Variants in CTNNA3 observed in about 807,000 individuals in gnomAD.
The protein encoded by CTNNA3 is catenin alpha 3.
CTNNA3 carries 76 observed loss-of-function variants against 95.7 expected under a neutral mutation model. The observed-to-expected ratio is 0.79, with a 90% CI of 0.66 to 0.96. The LOEUF (loss-of-function observed/expected upper bound fraction) is 0.96. CTNNA3 is among the 40% of genes least tolerant of loss of function. CTNNA3 has a pLI of 0.00. For synonymous variants in CTNNA3, 431 were observed against 374.4 expected, an observed-to-expected ratio of 1.15 and a Z score of -1.74; for missense variants, 1,191 against 1,089.8, an observed-to-expected ratio of 1.09 and a Z score of -1.31.
intron 7 of CTNNA3, among the ~76,000 whole-genome samples, chr10:67,004,473 C>T (rs1851862068): frequency 6.7e-6 from 1 of 148,662 alleles, no homozygotes; most frequent in African/African-American, 2.5e-5. Context: ...TCTCTGTTAG[C>T]TTTTTCTTCC....
At chr10:67,505,050 AT>A (rs1289930389) in intron 5 of CTNNA3, among the ~76,000 whole-genome samples, 5 of 152,150 alleles carry the variant, frequency 3.3e-5, no homozygotes. Flanking sequence ...TTCCTGTCTG[AT>A]TTTTTTCTTA....
At chr10:66,506,229 A>G (rs1013547725) in intron 11 of CTNNA3, among the ~76,000 whole-genome samples, 1 of 152,186 alleles carries the variant, frequency 6.6e-6, no homozygotes, top group Non-Finnish European at 1.5e-5. Context: ...ACCTCCCATT[A>G]GGCACTGCAT....
At chr10:67,688,658 T>A (rs1002570837) in intron 1 of CTNNA3, among the ~76,000 whole-genome samples, 1 of 151,974 alleles carries the variant, frequency 6.6e-6, no homozygotes, top group African/African-American at 2.4e-5. Context: ...GTCAAATTGG[T>A]CCCAATGGCT....
chr10:66,461,480 G>A (rs530559995), intron 11 of CTNNA3, among the ~76,000 whole-genome samples: 193 of 152,034 alleles, frequency 1.3e-3, no homozygotes, highest in African/African-American at 4.3e-3. Flanking sequence ...TATTTCCTAC[G>A]AAATTAACAA....
chr10:67,418,484 AT>A (rs1845621901), intron 5 of CTNNA3, among the ~76,000 whole-genome samples: 1 of 149,900 alleles, frequency 6.7e-6, no homozygotes, highest in South Asian at 2.1e-4. Context: ...AAACAGGGGT[AT>A]ACACACACAA....
At chr10:66,771,679 C>T (rs1357925363) in intron 8 of CTNNA3, among the ~76,000 whole-genome samples, 1 of 151,464 alleles carries the variant, frequency 6.6e-6, no homozygotes, top group African/African-American at 2.4e-5. Context: ...TTTTGGGGGA[C>T]AAAGATAACA....
intron 17 of CTNNA3, among the ~76,000 whole-genome samples, chr10:65,924,306 C>T (rs955347565): frequency 3.9e-5 from 6 of 152,134 alleles, no homozygotes; most frequent in Admixed American, 1.3e-4. Context: ...GATCTGCCCT[C>T]TCCATAGCGG....
At chr10:66,632,049 G>T (rs2394222) in intron 9 of CTNNA3, among the ~76,000 whole-genome samples, 57,566 of 151,936 alleles carry the variant, frequency 0.38, 11,779 homozygotes, top group African/African-American at 0.5. Flanking sequence ...CATATCTATA[G>T]ATGTATTAAA....
At chr10:66,591,813 T>A (rs1252904634) in intron 10 of CTNNA3, among the ~76,000 whole-genome samples, 1 of 152,102 alleles carries the variant, frequency 6.6e-6, no homozygotes, top group East Asian at 1.9e-4. Flanking sequence ...ACACTCCAAA[T>A]AAGCATTGGC....
chr10:66,824,807 C>T (rs375634849), intron 7 of CTNNA3, among the ~76,000 whole-genome samples: 15 of 152,178 alleles, frequency 9.9e-5, no homozygotes, highest in South Asian at 4.1e-4. Context: ...CCTAAGGAGA[C>T]GTGGTGACTA....
At chr10:67,605,905 A>G (rs1843257223) in intron 3 of CTNNA3, among the ~76,000 whole-genome samples, 1 of 152,192 alleles carries the variant, frequency 6.6e-6, no homozygotes, top group Non-Finnish European at 1.5e-5. Context: ...TCCTGACCTC[A>G]GGCAATCCAC....
chr10:67,118,177 A>G (rs1204421238), intron 7 of CTNNA3, among the ~76,000 whole-genome samples: 1 of 152,064 alleles, frequency 6.6e-6, no homozygotes, highest in African/African-American at 2.4e-5. Context: ...AATAATGCAA[A>G]AGAATTATCT....
intron 14 of CTNNA3, among the ~76,000 whole-genome samples, chr10:66,089,532 C>T (rs936139600): frequency 6.6e-6 from 1 of 151,714 alleles, no homozygotes; most frequent in Admixed American, 6.6e-5. Flanking sequence ...CTCTGGTTCG[C>T]CTTTACCTTA....
intron 11 of CTNNA3, among the ~76,000 whole-genome samples, chr10:66,514,006 C>A (rs1027832917): frequency 3.9e-5 from 6 of 152,014 alleles, no homozygotes; most frequent in African/African-American, 1.2e-4. Flanking sequence ...GCAATTAGGC[C>A]CCAGGGCAGG....
intron 15 of CTNNA3, among the ~76,000 whole-genome samples, chr10:65,994,145 C>T (rs1173698669): frequency 1.3e-5 from 2 of 151,974 alleles, no homozygotes; most frequent in East Asian, 1.9e-4. Context: ...TACTTCGTTC[C>T]TTTCTTTCTT....
intron 5 of CTNNA3, among the ~76,000 whole-genome samples, chr10:67,274,281 T>A (rs1839097546): frequency 6.6e-6 from 1 of 152,022 alleles, no homozygotes; most frequent in Admixed American, 6.6e-5. Context: ...GTTGAATAAG[T>A]TAAGAATAAA....
At chr10:66,506,210 G>C (rs1840445404) in intron 11 of CTNNA3, among the ~76,000 whole-genome samples, 1 of 152,088 alleles carries the variant, frequency 6.6e-6, no homozygotes, top group African/African-American at 2.4e-5. Context: ...CCACACCCAA[G>C]GCCTAAACAC....
chr10:67,451,330 AG>A (rs1846974011), intron 5 of CTNNA3, among the ~76,000 whole-genome samples: 1 of 152,190 alleles, frequency 6.6e-6, no homozygotes, highest in African/African-American at 2.4e-5. Flanking sequence ...AAAACAGACT[AG>A]GAAACTATAA....
Position 66,474,040 on chromosome 10 carries a change from A to G in CTNNA3, c.1531+46577T>C, listed in dbSNP as rs557821068. Among the ~76,000 whole-genome samples the G allele has an allele frequency of 2.4e-4, 36 of 152,224 alleles. No homozygotes were observed. In the South Asian group the frequency reaches 7.5e-3, roughly 32 times the overall value. ...CTTTGGGTATATACCCAGTAAAGGG[A>G]TGTTATAGCAGTGTGAGAATGGACT... On this transcript the variant is annotated intron_variant, in intron 11 of 17. Coordinates refer to ENST00000433211, the MANE Select transcript of CTNNA3 (RefSeq NM_013266.4).
Sources: allele counts gnomAD v4.1 joint callset (sites outside exome capture counted in the v4.1 genomes callset), GRCh38; gene constraint gnomAD v4.1.1; transcripts MANE v1.5; gene names NCBI Gene and HGNC (gene_info 2026-07-23, HGNC 2026-07-21).